The following GIMAP5 variants were observed in gnomAD, a reference collection of about 807,000 sequenced individuals.
GIMAP5 encodes GTPase IMAP family member 5.
In GIMAP5, 8 loss-of-function variants were observed where a neutral mutation model predicts 9.9. The ratio of observed to expected loss-of-function variants is 0.81; its 90% CI spans 0.47 to 1.45. GIMAP5 has a LOEUF of 1.45. Among genes scored for constraint, GIMAP5 ranks in the 40% most tolerant of loss-of-function variants. The pLI is 0.00. For synonymous variants in GIMAP5, 174 were observed against 151.4 expected (o/e 1.15, Z -1.09); for missense variants, 353 against 367.4 (o/e 0.96, Z 0.32).
rs201671569 is a variant in GIMAP5 at position 150,743,101 on chromosome 7, A to T, written c.*38A>T. ...TGGAGCACTTCTAATGTATCACCCC[A>T]TGGAGTCATTGTTCTAATAATCACC... is the stretch of plus-strand genomic sequence containing the variant. On this transcript the variant is annotated 3_prime_UTR_variant, in exon 3 of 3. Transcript: ENST00000358647. 4 of 1,563,370 alleles carry T rather than the reference A, an allele frequency of 2.6e-6. No homozygotes were observed. In the South Asian group the frequency reaches 3.6e-5, roughly 14 times the overall value.
At position 150,741,660 on chromosome 7, in the gene GIMAP5, CA is replaced by C. The variant is rs1165731956; in HGVS notation, c.44-522del. Among the ~76,000 whole-genome samples, 3 of 152,280 alleles carry C rather than the reference CA, an allele frequency of 2.0e-5. No individual in the cohort carries two copies. In the East Asian group the frequency reaches 5.8e-4, roughly 29 times the overall value. ...ACTCCCTATCCAGAGGGCACAGACCCAGGGACAGGCAGCTGACCCCCGGCAG... is the reference window on the plus strand; with the variant it reads ...ACTCCCTATCCAGAGGGCACAGACCCGGGACAGGCAGCTGACCCCCGGCAG... On this transcript the variant is annotated intron_variant, in intron 2 of 2. Transcript: ENST00000358647.
At position 150,740,890 on chromosome 7, in the gene GIMAP5, A is replaced by G; in HGVS notation, c.6A>G (p.Gly2=). 2 of 1,614,074 alleles carry G rather than the reference A, an allele frequency of 1.2e-6. No homozygotes were observed. Among genetic ancestry groups the G allele is most frequent in the Non-Finnish European group, 1.7e-6 (2 of 1,179,972 alleles). M[G]GFQRGKYGTM... is the part of the protein sequence containing the mutation. ...TGTTTTTATTCCAGGAGAGAATGGG[A>G]GGATTCCAGAGGGGCAAATATGGAA... is the stretch of plus-strand genomic sequence containing the variant. Residue 2 remains glycine (G), a synonymous_variant, in exon 2 of 3, where the codon GGA becomes GGG. Transcript: ENST00000358647.
rs773799372 is a variant in GIMAP5, at chr7:150,743,001, T to C, written c.862T>C (p.Phe288Leu). Residue 288 changes from phenylalanine (F) to leucine (L), a missense_variant, in exon 3 of 3, where the codon TTT (phenylalanine) becomes CTT (leucine). Phe to Leu is a conservative substitution (Grantham distance 22, BLOSUM62 0). Transcript: ENST00000358647. ...GCTTTTGCATTATGAGATTTTTGTT[T>C]TTCTATTGTTGTGCAGCATACTTTT... ...LMLLHYEIFV[F>L]LLLCSILFFI... The C allele has an allele frequency of 5.0e-6, 8 of 1,613,956 alleles. No individual in the cohort carries two copies. In the Admixed American group the frequency reaches 8.3e-5, roughly 17 times the overall value.
Position 150,742,986 on chromosome 7 carries a change from TA to T in GIMAP5, c.848del (p.Tyr283LeufsTer44). The T allele has an allele frequency of 6.2e-7, 1 of 1,613,750 alleles. No individual in the cohort carries two copies. On this transcript the variant is annotated frameshift_variant, in exon 3 of 3. Transcript: ENST00000358647. LOFTEE classifies it low-confidence loss of function (END_TRUNC). ...LRVKHLMLLH[Y>X]EIFVFLLLCS... The stretch of plus-strand genomic sequence containing the variant: ...AGTCAAACACTTGATGCTTTTGCAT[TA>T]TGAGATTTTTGTTTTTCTATTGTTG...
chr7:150,740,761 G>A, intron 1 of GIMAP5, 118 bp from the exon 2 acceptor site: 1 of 929,738 alleles, frequency 1.1e-6, no homozygotes, highest in South Asian at 1.5e-5. Context: ...GAAAATTAGG[G>A]ATGGAAATGG....
Position 150,738,009 on chromosome 7 carries a change from T to C in GIMAP5, c.-7+301T>C, listed in dbSNP as rs572277676. On this transcript the variant is annotated intron_variant, in intron 1 of 2. Coordinates refer to ENST00000358647, the MANE Select transcript of GIMAP5 (RefSeq NM_018384.5). ...CCATGAAACTCTCAGGGAGTAAGGC[T>C]GAACTGATCCTCTCATCAGTGGGAC... The C allele has an allele frequency of 1.1e-4, 46 of 429,756 alleles. No homozygotes were observed. In the South Asian group the frequency reaches 1.1e-3, roughly 10 times the overall value. The allele number at this position is 429,756 out of a possible 1,614,324, so 26.6% of individuals were successfully genotyped here. A position where few individuals can be genotyped will look rare whatever the true frequency, so the allele number is the denominator to read the frequency against.
chr7:150,742,779 C>T lies in GIMAP5; in HGVS notation c.640C>T (p.Arg214Ter), dbSNP rs780355836. Reference sequence around the variant, plus strand: ...TGTGATTGAGAGGCTGGGGAGGGAGCGAGAGGGCTCCTTCCACAGCAATGA... The same window carrying T: ...TGTGATTGAGAGGCTGGGGAGGGAGTGAGAGGGCTCCTTCCACAGCAATGA... ...LAVIERLGRE[R>*]EGSFHSNDLF... Residue 214 changes from arginine to a stop codon, truncating the protein, a stop_gained, in exon 3 of 3, where the codon CGA becomes TGA. Transcript: ENST00000358647. LOFTEE classifies it low-confidence loss of function (END_TRUNC). The T allele has an allele frequency of 1.2e-5, 20 of 1,613,942 alleles. No individual in the cohort carries two copies. The Admixed American group carries it at 1.3e-4, about 11-fold the overall frequency.
rs761120317 is a variant in GIMAP5 at position 150,742,798 on chromosome 7, G to A, written c.659G>A (p.Ser220Asn). 2 of 1,614,162 alleles carry A rather than the reference G, an allele frequency of 1.2e-6. No homozygotes were observed. The highest frequency in any genetic ancestry group is 1.7e-5 in the Admixed American group (1 of 60,028). Residue 220 changes from serine to asparagine, a missense_variant, in exon 3 of 3, where the codon AGC becomes AAC. Physicochemically the swap from Ser to Asn is conservative, Grantham distance 46. Transcript: ENST00000358647. ...AGGGAGCGAGAGGGCTCCTTCCACA[G>A]CAATGACCTCTTCTTGGATGCCCAG... ...LGREREGSFH[S>N]NDLFLDAQLL... is the part of the protein sequence containing the mutation.
At chr7:150,739,772 G>A (rs1189753393) in intron 1 of GIMAP5, 2 of 151,870 alleles carry the variant, frequency 1.3e-5, no homozygotes, top group Non-Finnish European at 2.9e-5. Flanking sequence ...AAGGGAGGGA[G>A]GCAGGAAGCT....
chr7:150,741,988 T>C (rs150802515), intron 2 of GIMAP5, among the ~76,000 whole-genome samples, 195 bp from the exon 3 acceptor site: 221 of 152,344 alleles, frequency 1.5e-3, no homozygotes, highest in African/African-American at 5.1e-3. Context: ...TGGCTGTGGA[T>C]CCAAGCATGG....
In GIMAP5 at chr7:150,743,259, A is replaced by G. The variant is rs1797632413; in HGVS notation, c.*196A>G. On this transcript the variant is annotated 3_prime_UTR_variant, in exon 3 of 3. Coordinates refer to ENST00000358647, the MANE Select transcript of GIMAP5 (RefSeq NM_018384.5). ...AGGCTGCCTGCCTGCTGTAAACACT[A>G]TTCCACTCTGTCTGCCAACAACTGC... 3 of 638,386 alleles carry G rather than the reference A, an allele frequency of 4.7e-6. No individual in the cohort carries two copies. Among genetic ancestry groups the G allele is most frequent in the Non-Finnish European group, 7.8e-6 (3 of 384,268 alleles). The allele number at this position is 638,386 out of a possible 1,614,324, so 39.5% of individuals were successfully genotyped here. A position where few individuals can be genotyped will look rare whatever the true frequency, so the allele number is the denominator to read the frequency against.
In GIMAP5 at chr7:150,743,239, G is replaced by A; in HGVS notation, c.*176G>A. The A allele has an allele frequency of 1.3e-6, 1 of 766,396 alleles. No individual in the cohort carries two copies. The highest frequency in any genetic ancestry group is 2.7e-5 in the East Asian group (1 of 36,572). 47.5% of individuals were successfully genotyped at this position (766,396 alleles called of 1,614,324 possible). On this transcript the variant is annotated 3_prime_UTR_variant, in exon 3 of 3. Coordinates refer to ENST00000358647, the MANE Select transcript of GIMAP5 (RefSeq NM_018384.5). The stretch of plus-strand genomic sequence containing the variant: ...AGCTGTGTGCCTCCACTCCAAGGCT[G>A]CCTGCCTGCTGTAAACACTATTCCA...
At chr7:150,740,408 C>G (rs1460053632) in intron 1 of GIMAP5, 1 of 162,490 alleles carries the variant, frequency 6.2e-6, no homozygotes, top group Non-Finnish European at 1.3e-5. Context: ...GCTGGAATGT[C>G]CATTTGACAC....
rs752298821 is a variant in GIMAP5, at chr7:150,742,852, G to T, written c.713G>T (p.Cys238Phe). 2 of 1,614,170 alleles carry T rather than the reference G, an allele frequency of 1.2e-6. No individual in the cohort carries two copies. The highest frequency in any genetic ancestry group is 1.7e-6 in the Non-Finnish European group (2 of 1,180,030). ...QLLQRTGAGA[C>F]QEDYRQYQAK... ...CTCCAAAGAACTGGAGCTGGGGCCT[G>T]CCAGGAAGACTACAGGCAGTACCAG... The change falls in exon 3 of 3, where the codon TGC becomes TTC. Residue 238 changes from cysteine to phenylalanine, a missense_variant. By Grantham distance (205) the Cys-to-Phe change is radical. Transcript: ENST00000358647.
chr7:150,738,062 G>A (rs1368468196), intron 1 of GIMAP5: 1 of 276,474 alleles, frequency 3.6e-6, no homozygotes, highest in African/African-American at 2.2e-5. Context: ...CTCCCAGAGG[G>A]TGATAGGCTT....
rs545682585 is a variant in GIMAP5 at position 150,742,039 on chromosome 7, T to C, written c.44-144T>C. 7.1e-6 allele frequency: 7 copies of C among 985,398 alleles called. No homozygotes were observed. In the African/African-American group the frequency reaches 9.8e-5, roughly 14 times the overall value. 61.0% of individuals were successfully genotyped at this position (985,398 alleles called of 1,614,324 possible). A position where few individuals can be genotyped will look rare whatever the true frequency, so the allele number is the denominator to read the frequency against. On this transcript the variant is annotated intron_variant, in intron 2 of 2. Transcript: ENST00000358647. ...TTCTACATGCAAGATTCACCTATAG[T>C]TGTATGCACACTTTTATGTACACAT...
chr7:150,743,126 C>T lies in GIMAP5; in HGVS notation c.*63C>T. 1 of 1,530,780 alleles carries T rather than the reference C, an allele frequency of 6.5e-7. No homozygotes were observed. Among genetic ancestry groups the T allele is most frequent in the East Asian group, 2.3e-5 (1 of 44,228 alleles). 94.8% of individuals were successfully genotyped at this position (1,530,780 alleles called of 1,614,324 possible). A position where few individuals can be genotyped will look rare whatever the true frequency, so the allele number is the denominator to read the frequency against. Reference sequence around the variant, plus strand: ...ATGGAGTCATTGTTCTAATAATCACCAATTCAGACTCAGATCCTCGTGGTC... The same window carrying T: ...ATGGAGTCATTGTTCTAATAATCACTAATTCAGACTCAGATCCTCGTGGTC... On this transcript the variant is annotated 3_prime_UTR_variant, in exon 3 of 3. Transcript: ENST00000358647.
chr7:150,739,028 G>A (rs983145214), intron 1 of GIMAP5: 3 of 152,180 alleles, frequency 2.0e-5, no homozygotes, highest in Non-Finnish European at 4.4e-5. Flanking sequence ...TTTGTGACAG[G>A]CAATTGGCTG....
chr7:150,739,799 A>G (rs1237652911), intron 1 of GIMAP5: 1 of 152,208 alleles, frequency 6.6e-6, no homozygotes, highest in Non-Finnish European at 1.5e-5. Flanking sequence ...ATACATTCTG[A>G]TAATATAAAA....
Sources: allele counts gnomAD v4.1 joint callset (sites outside exome capture counted in the v4.1 genomes callset), GRCh38; gene constraint gnomAD v4.1.1; transcripts MANE v1.5; gene names NCBI Gene and HGNC (gene_info 2026-07-23, HGNC 2026-07-21).